The following OXSR1 variants were observed in gnomAD, a reference collection of about 807,000 sequenced individuals.
The protein encoded by OXSR1 is oxidative stress responsive kinase 1.
A neutral mutation model predicts 79.8 loss-of-function variants in OXSR1; 24 were observed. That is an observed-to-expected ratio of 0.30 (90% CI 0.22 to 0.42). OXSR1 has a LOEUF of 0.42. OXSR1 is among the 10% of genes least tolerant of loss of function. The probability of loss-of-function intolerance (pLI) is 1.00; values close to 1 mark genes in which losing one functional copy is unlikely to be tolerated. For synonymous variants in OXSR1, 226 were observed against 209.2 expected (o/e 1.08, Z -0.69); for missense variants, 430 against 618.4 (o/e 0.70, Z 3.23).
chr3:38,223,910 GA>G lies in OXSR1; in HGVS notation c.701del (p.Lys234ArgfsTer3). 1 of 1,586,976 alleles carries G rather than the reference GA, an allele frequency of 6.3e-7. No individual in the cohort carries two copies. The highest frequency in any genetic ancestry group is 8.6e-7 in the Non-Finnish European group (1 of 1,159,286). ...CTCCTTATCATAAATATCCACCAAT[GA>G]AGGTGAGGCTTGTATTCCAAATACT... Reference protein sequence around the residue: ...AAPYHKYPPMKVLMLTLQNDP... With the variant: ...AAPYHKYPPMXVLMLTLQNDP... On this transcript the variant is annotated frameshift_variant and splice_region_variant, in exon 7 of 18. Coordinates refer to ENST00000311806, the MANE Select transcript of OXSR1 (RefSeq NM_005109.3). LOFTEE classifies it high-confidence loss of function.
At chr3:38,234,769 A>C (rs566320495) in intron 10 of OXSR1, among the ~76,000 whole-genome samples, 39 of 152,388 alleles carry the variant, frequency 2.6e-4, no homozygotes, top group African/African-American at 9.4e-4. Flanking sequence ...ACGTAAGTCC[A>C]CACAAAAATG....
chr3:38,237,472 G>A (rs1702942712), intron 11 of OXSR1, among the ~76,000 whole-genome samples: 1 of 152,126 alleles, frequency 6.6e-6, no homozygotes, highest in Admixed American at 6.6e-5. Flanking sequence ...CAAGTTGTCA[G>A]GACTCATTCA....
intron 10 of OXSR1, among the ~76,000 whole-genome samples, chr3:38,234,903 A>T (rs1333181646): frequency 6.6e-6 from 1 of 152,264 alleles, no homozygotes; most frequent in Non-Finnish European, 1.5e-5. Flanking sequence ...TTATTTGACA[A>T]TAAAAAGGAA....
chr3:38,228,299 T>A (rs903002462), intron 8 of OXSR1, among the ~76,000 whole-genome samples: 1 of 152,188 alleles, frequency 6.6e-6, no homozygotes, highest in African/African-American at 2.4e-5. Flanking sequence ...AAGGAATGAA[T>A]AATAAGAAGC....
intron 3 of OXSR1, among the ~76,000 whole-genome samples, chr3:38,198,317 C>T (rs578008770): frequency 9.9e-5 from 15 of 152,258 alleles, no homozygotes; most frequent in African/African-American, 3.4e-4. Context: ...ATTTGATTGG[C>T]ATTTCAATTG....
intron 2 of OXSR1, among the ~76,000 whole-genome samples, chr3:38,187,613 G>GAA (rs548082202): frequency 2.6e-5 from 4 of 151,442 alleles, no homozygotes; most frequent in Non-Finnish European, 5.9e-5. Context: ...GTTACCATTA[G>GAA]AAAAAAAAGG....
intron 2 of OXSR1, among the ~76,000 whole-genome samples, chr3:38,186,421 C>G (rs968412013): frequency 7.2e-5 from 11 of 152,192 alleles, no homozygotes; most frequent in African/African-American, 2.7e-4. Flanking sequence ...ACCATCACCA[C>G]TATCACCCCA....
intron 3 of OXSR1, among the ~76,000 whole-genome samples, chr3:38,192,735 T>G (rs1702006488): frequency 6.6e-6 from 1 of 152,210 alleles, no homozygotes; most frequent in Admixed American, 6.5e-5. Flanking sequence ...CTCATGCCAT[T>G]TGGTAAATTA....
intron 2 of OXSR1, among the ~76,000 whole-genome samples, chr3:38,184,954 G>GTTTTTTT (rs1559503629): frequency 2.1e-5 from 2 of 96,226 alleles, no homozygotes; most frequent in Non-Finnish European, 4.0e-5. Flanking sequence ...TTTTTTTTGG[G>GTTTTTTT]TTTCTTTGAG....
chr3:38,250,131 T>C, intron 15 of OXSR1, 113 bp downstream of exon 15: 1 of 762,500 alleles, frequency 1.3e-6, no homozygotes, highest in Non-Finnish European at 2.2e-6. Flanking sequence ...TAATAAAAAT[T>C]TTCCTGGTTT....
At chr3:38,242,674 GC>G in intron 11 of OXSR1, 68 bp from the exon 12 acceptor site, 1 of 791,870 alleles carries the variant, frequency 1.3e-6, no homozygotes, top group Non-Finnish European at 2.1e-6. Flanking sequence ...AACATCACTT[GC>G]AGTTTGGGAC....
chr3:38,249,058 G>A (rs534878449), intron 14 of OXSR1, among the ~76,000 whole-genome samples: 4 of 152,152 alleles, frequency 2.6e-5, no homozygotes, highest in Non-Finnish European at 5.9e-5. Context: ...AGAACGCAAT[G>A]CAAGGGAAAA....
At chr3:38,227,473 G>A (rs961701727) in intron 8 of OXSR1, among the ~76,000 whole-genome samples, 1 of 151,778 alleles carries the variant, frequency 6.6e-6, no homozygotes, top group Non-Finnish European at 1.5e-5. Flanking sequence ...AGATCAAAGA[G>A]GGAATATGAA....
At chr3:38,213,378 C>T (rs1405039487) in intron 4 of OXSR1, among the ~76,000 whole-genome samples, 1 of 152,010 alleles carries the variant, frequency 6.6e-6, no homozygotes, top group Non-Finnish European at 1.5e-5. Context: ...AATGCTTGAC[C>T]ATTACTCCTC....
At chr3:38,178,100 G>A (rs1002475602) in intron 1 of OXSR1, among the ~76,000 whole-genome samples, 3 of 151,658 alleles carry the variant, frequency 2.0e-5, no homozygotes, top group Admixed American at 6.6e-5. Context: ...AGATGTGTGC[G>A]ACGACACCCA....
intron 10 of OXSR1, among the ~76,000 whole-genome samples, chr3:38,232,900 A>G (rs769508490): frequency 2.0e-5 from 3 of 152,236 alleles, no homozygotes; most frequent in Admixed American, 6.5e-5. Flanking sequence ...AAATCAGCAG[A>G]CTATAATTGC....
chr3:38,248,733 G>A (rs1703195103), intron 14 of OXSR1, among the ~76,000 whole-genome samples: 1 of 152,160 alleles, frequency 6.6e-6, no homozygotes, highest in Admixed American at 6.5e-5. Context: ...CTTTACAGAA[G>A]CCTACTTAGT....
intron 3 of OXSR1, among the ~76,000 whole-genome samples, chr3:38,198,493 T>C (rs546053380): frequency 4.5e-4 from 68 of 152,318 alleles, no homozygotes; most frequent in Non-Finnish European, 7.1e-4. Flanking sequence ...CCAAAGGAGA[T>C]GCTGGCATAA....
At chr3:38,202,875 A>G (rs537396370) in intron 4 of OXSR1, among the ~76,000 whole-genome samples, 8 of 152,326 alleles carry the variant, frequency 5.3e-5, no homozygotes, top group African/African-American at 1.9e-4. Context: ...CGGTAATGTC[A>G]GTGTCTGGGA....
Sources: allele counts gnomAD v4.1 joint callset (sites outside exome capture counted in the v4.1 genomes callset), GRCh38; gene constraint gnomAD v4.1.1; transcripts MANE v1.5; gene names NCBI Gene and HGNC (gene_info 2026-07-23, HGNC 2026-07-21).